KTN1: variants seen among roughly 807,000 people sequenced by gnomAD.
KTN1 encodes kinectin.
A neutral mutation model predicts 222.5 loss-of-function variants in KTN1; 130 were observed. The ratio of observed to expected loss-of-function variants is 0.58; its 90% CI spans 0.51 to 0.68. KTN1 has a LOEUF of 0.68. Among genes scored for constraint, KTN1 ranks in the 30% least tolerant of loss-of-function variants. The pLI, the probability that KTN1 is intolerant of heterozygous loss-of-function variation, is 0.00. For missense variants in KTN1, 1,508 were observed against 1,500.4 expected, an observed-to-expected ratio of 1.01 and a Z score of -0.08; for synonymous variants, 512 against 496.3, an observed-to-expected ratio of 1.03 and a Z score of -0.42.
chr14:55,600,034 T>C (rs1464288771), intron 1 of KTN1, among the ~76,000 whole-genome samples: 1 of 151,682 alleles, frequency 6.6e-6, no homozygotes, highest in African/African-American at 2.4e-5. Flanking sequence ...AGCAAAACTT[T>C]TTCAGTAGTC....
At position 55,675,892 on chromosome 14, in the gene KTN1, CAG is replaced by C; in HGVS notation, c.3831_3832del (p.Lys1278GlyfsTer4). ...TKLRTEQNER[Q>X]KVAGDLHKAQ... ...ACTTAGAACTGAACAAAATGAAAGA[CAG>C]AAGGTAGCTGGTGATTTGCATAAGG... On this transcript the variant is annotated frameshift_variant, in exon 41 of 44. Transcript: ENST00000395314. LOFTEE classifies it high-confidence loss of function. 1 of 1,613,120 alleles carries C rather than the reference CAG, an allele frequency of 6.2e-7. No individual in the cohort carries two copies. The highest frequency in any genetic ancestry group is 8.5e-7 in the Non-Finnish European group (1 of 1,179,238).
intron 1 of KTN1, among the ~76,000 whole-genome samples, chr14:55,589,622 A>G (rs1566655241): frequency 6.9e-6 from 1 of 144,222 alleles, no homozygotes; most frequent in Non-Finnish European, 1.5e-5. Context: ...AGATTCTTTA[A>G]TTATTATTCT....
At chr14:55,670,679 GA>G (rs1336646730) in intron 34 of KTN1, 49 bp from the exon 35 acceptor site, 5 of 1,281,958 alleles carry the variant, frequency 3.9e-6, no homozygotes, top group Non-Finnish European at 5.5e-6. Context: ...GTTTTATTTG[GA>G]TTTTTTTTTT....
At chr14:55,615,875 CTTCT>C (rs1469056256) in intron 2 of KTN1, among the ~76,000 whole-genome samples, 4 of 141,326 alleles carry the variant, frequency 2.8e-5, no homozygotes, top group Admixed American at 1.5e-4. Flanking sequence ...TCTTCCTTTT[CTTCT>C]TTCTTTCTCT....
chr14:55,652,750 G>GT, intron 25 of KTN1, 100 bp from the exon 26 acceptor site: 2 of 733,982 alleles, frequency 2.7e-6, no homozygotes, highest in South Asian at 3.6e-5. Context: ...CAGCTGGTCT[G>GT]TGAGTACTAC....
At chr14:55,580,981 A>AG (rs769228111) in intron 1 of KTN1, among the ~76,000 whole-genome samples, 10 of 152,160 alleles carry the variant, frequency 6.6e-5, no homozygotes, top group Non-Finnish European at 1.3e-4. Flanking sequence ...AAGCAGCATG[A>AG]GGGGGGACTT....
intron 4 of KTN1, among the ~76,000 whole-genome samples, chr14:55,618,412 C>T (rs12884265): frequency 0.045 from 6,819 of 151,960 alleles, 197 homozygotes; most frequent in Middle Eastern, 0.099. Context: ...TAATTCATAA[C>T]TGTTGTTTTT....
At chr14:55,634,736 A>C (rs2040918982) in intron 9 of KTN1, 78 bp downstream of exon 9, 5 of 1,171,734 alleles carry the variant, frequency 4.3e-6, no homozygotes, top group Admixed American at 5.7e-5. Context: ...GGTATGAAGA[A>C]CTGCCCGAGA....
At chr14:55,660,389 G>GTTTT (rs34898734) in intron 31 of KTN1, among the ~76,000 whole-genome samples, 1 of 121,756 alleles carries the variant, frequency 8.2e-6, no homozygotes, top group Non-Finnish European at 1.7e-5. Flanking sequence ...TTCTTAAGGA[G>GTTTT]TTTTTTTTTT....
At chr14:55,679,429 ATTG>A in intron 42 of KTN1, 133 bp from the exon 43 acceptor site, 1 of 710,412 alleles carries the variant, frequency 1.4e-6, no homozygotes, top group Non-Finnish European at 2.3e-6. Flanking sequence ...GGTTTTTGTT[ATTG>A]TTGATTTTCA....
At chr14:55,673,376 T>C (rs971107085) in intron 40 of KTN1, 121 bp downstream of exon 40, 13 of 567,604 alleles carry the variant, frequency 2.3e-5, no homozygotes, top group African/African-American at 2.1e-4. Flanking sequence ...TTTTTGTAAG[T>C]CTAAGATAAT....
intron 32 of KTN1, 100 bp downstream of exon 32, chr14:55,661,712 C>T (rs2044161998): frequency 1.7e-6 from 1 of 589,640 alleles, no homozygotes; most frequent in Non-Finnish European, 2.9e-6. Flanking sequence ...CTTTAGATTT[C>T]TTAATCTTTG....
rs1843529613 is a variant in KTN1, at chr14:55,646,506, TTTCC to T, written c.2173-464_2173-461del. ...TTTCCTTTCCTTTCCTTTCCTTTCCTTTCCTTTCCTTTCCTTTCCTTTCCTTTCC... is the reference window on the plus strand; with the variant it reads ...TTTCCTTTCCTTTCCTTTCCTTTCCTTTTCCTTTCCTTTCCTTTCCTTTCC... On this transcript the variant is annotated intron_variant, in intron 18 of 43. Coordinates refer to ENST00000395314, the MANE Select transcript of KTN1 (RefSeq NM_001079521.2). 3.2e-5 allele frequency among the ~76,000 whole-genome samples: 4 copies of T among 125,496 alleles called. No individual in the cohort carries two copies. The South Asian group carries it at 8.2e-4, about 26-fold the overall frequency. 82.3% of individuals were successfully genotyped at this position (125,496 alleles called of 152,430 possible). A position where few individuals can be genotyped will look rare whatever the true frequency, so the allele number is the denominator to read the frequency against.
intron 18 of KTN1, among the ~76,000 whole-genome samples, chr14:55,643,794 A>G (rs1207358530): frequency 2.0e-5 from 3 of 152,174 alleles, no homozygotes; most frequent in Non-Finnish European, 4.4e-5. Context: ...AAAATTCCCA[A>G]TCATATTTAT....
In KTN1 at chr14:55,640,367, G is replaced by T. The variant is rs765334850; in HGVS notation, c.1915-7G>T. 1 of 1,564,236 alleles carries T rather than the reference G, an allele frequency of 6.4e-7. No individual in the cohort carries two copies. The highest frequency in any genetic ancestry group is 2.3e-5 in the East Asian group (1 of 44,408). On this transcript the variant is annotated splice_region_variant and splice_polypyrimidine_tract_variant and intron_variant, in intron 14 of 43. Coordinates refer to ENST00000395314, the MANE Select transcript of KTN1 (RefSeq NM_001079521.2). Reference sequence around the variant, plus strand: ...AGTATTTTAAATGCTATTTTTCCTTGTTCTAGGATATACAGAATATGAATT... The same window carrying T: ...AGTATTTTAAATGCTATTTTTCCTTTTTCTAGGATATACAGAATATGAATT...
chr14:55,598,509 A>C (rs1241731668), intron 1 of KTN1, among the ~76,000 whole-genome samples: 1 of 152,138 alleles, frequency 6.6e-6, no homozygotes, highest in Non-Finnish European at 1.5e-5. Context: ...GTTCATTAAA[A>C]AAAAAAATTA....
chr14:55,604,466 T>C (rs1238630428), intron 1 of KTN1, among the ~76,000 whole-genome samples: 1 of 152,144 alleles, frequency 6.6e-6, no homozygotes, highest in African/African-American at 2.4e-5. Context: ...CAAAACCCTG[T>C]CTCTATATTA....
At chr14:55,623,313 T>C (rs1212352982) in intron 5 of KTN1, among the ~76,000 whole-genome samples, 1 of 152,264 alleles carries the variant, frequency 6.6e-6, no homozygotes, top group Non-Finnish European at 1.5e-5. Context: ...TCAGTAAATA[T>C]GATAAATGTG....
At chr14:55,672,353 A>G (rs2045526506) in intron 37 of KTN1, 1 of 290,060 alleles carries the variant, frequency 3.4e-6, no homozygotes, top group African/African-American at 2.2e-5. Flanking sequence ...TGGTACTCTA[A>G]TGCACTTGCA....
Sources: gnomAD v4.1 joint callset for allele counts (sites outside exome capture counted in the v4.1 genomes callset) on GRCh38, gnomAD v4.1.1 for gene constraint, MANE v1.5 for transcripts, NCBI Gene and HGNC (gene_info 2026-07-23, HGNC 2026-07-21) for gene names.